TET1: variants seen among roughly 807,000 people sequenced by gnomAD.
TET1 encodes the protein methylcytosine dioxygenase TET1.
TET1 carries 13 observed loss-of-function variants against 148.7 expected under a neutral mutation model. That is an observed-to-expected ratio of 0.09 (90% confidence interval 0.06 to 0.14). The LOEUF (loss-of-function observed/expected upper bound fraction) is 0.14. Ranked by LOEUF, TET1 falls within the 10% of genes least tolerant of loss-of-function variation. The probability of loss-of-function intolerance (pLI) is 1.00; values close to 1 mark genes in which losing one functional copy is unlikely to be tolerated. For synonymous variants in TET1, 907 were observed against 937.2 expected, an observed-to-expected ratio of 0.97 and a Z score of 0.59; for missense variants, 2,182 against 2,553.8, an observed-to-expected ratio of 0.85 and a Z score of 3.14.
At chr10:68,562,142 TG>T (rs2053561738) in intron 1 of TET1, among the ~76,000 whole-genome samples, 1 of 152,186 alleles carries the variant, frequency 6.6e-6, no homozygotes, top group Non-Finnish European at 1.5e-5. Context: ...CGCGCGCCAC[TG>T]GAAGAGCGGC....
At position 68,571,062 on chromosome 10, in the gene TET1, C is replaced by G. The variant is rs557753493; in HGVS notation, c.-122-1155C>G. ...CTGGAGTGCAATGGTGCAATCTCGG[C>G]TCACTGCAACCTCCGTCTCCTGGGT... On this transcript the variant is annotated intron_variant, in intron 1 of 11. Coordinates refer to ENST00000373644, the MANE Select transcript of TET1 (RefSeq NM_030625.3). 2.6e-5 allele frequency among the ~76,000 whole-genome samples: 4 copies of G among 151,710 alleles called. No individual in the cohort carries two copies. In the South Asian group the frequency reaches 8.3e-4, roughly 32 times the overall value.
intron 3 of TET1, among the ~76,000 whole-genome samples, chr10:68,633,500 G>C (rs2054607605): frequency 6.6e-6 from 1 of 151,994 alleles, no homozygotes; most frequent in Non-Finnish European, 1.5e-5. Context: ...TTCCACTTTA[G>C]CCTCCTGAGT....
intron 1 of TET1, among the ~76,000 whole-genome samples, chr10:68,562,988 CT>C (rs1488677866): frequency 6.6e-6 from 1 of 151,850 alleles, no homozygotes; most frequent in Non-Finnish European, 1.5e-5. Context: ...TCTTCCCCTT[CT>C]TTCGTTTTTG....
At chr10:68,626,127 A>AAAAGAAAAG (rs10660283) in intron 3 of TET1, among the ~76,000 whole-genome samples, 43,829 of 119,542 alleles carry the variant, frequency 0.37, 9,872 homozygotes, top group Non-Finnish European at 0.42. Context: ...AAAAGAAAAG[A>AAAAGAAAAG]AAATACTTAA....
intron 2 of TET1, among the ~76,000 whole-genome samples, chr10:68,587,840 C>T (rs2053876907): frequency 1.3e-5 from 2 of 152,142 alleles, no homozygotes; most frequent in Non-Finnish European, 1.5e-5. Flanking sequence ...TTCGGATTCT[C>T]ATTATGCAGA....
chr10:68,593,170 C>T (rs1196598467), intron 2 of TET1, among the ~76,000 whole-genome samples: 2 of 139,144 alleles, frequency 1.4e-5, no homozygotes, highest in East Asian at 2.2e-4. Flanking sequence ...AGTTGAAGGT[C>T]GCAGTGAGCT....
intron 7 of TET1, among the ~76,000 whole-genome samples, chr10:68,672,222 G>T (rs1281793567): frequency 6.6e-6 from 1 of 151,732 alleles, no homozygotes; most frequent in African/African-American, 2.4e-5. Context: ...TTCTGTCCAG[G>T]CTCAGTGCCT....
intron 2 of TET1, among the ~76,000 whole-genome samples, chr10:68,589,462 A>G (rs75631483): frequency 0.041 from 6,243 of 151,966 alleles, 429 homozygotes; most frequent in African/African-American, 0.14. Flanking sequence ...GTGTATATAT[A>G]TACTTTAAAA....
chr10:68,673,341 CA>C, intron 8 of TET1: 1 of 279,156 alleles, frequency 3.6e-6, no homozygotes, highest in South Asian at 3.7e-5. Flanking sequence ...TATACTCAGC[CA>C]AAATAGGAAA....
intron 1 of TET1, among the ~76,000 whole-genome samples, chr10:68,564,297 C>T (rs116361864): frequency 0.015 from 2,241 of 151,432 alleles, 66 homozygotes; most frequent in African/African-American, 0.051. Context: ...TACGGGCATG[C>T]GCTACCATGC....
intron 2 of TET1, among the ~76,000 whole-genome samples, chr10:68,595,943 T>TAC (rs2053975951): frequency 2.6e-5 from 1 of 39,054 alleles, no homozygotes; most frequent in African/African-American, 8.5e-5. Context: ...TATATATATA[T>TAC]ATATATATAT....
At chr10:68,685,300 G>T (rs891961974) in intron 10 of TET1, among the ~76,000 whole-genome samples, 7 of 152,054 alleles carry the variant, frequency 4.6e-5, no homozygotes, top group Non-Finnish European at 1.0e-4. Flanking sequence ...TATCTATCAA[G>T]TTCTACCATG....
chr10:68,575,029 G>A (rs1240420059), intron 2 of TET1, among the ~76,000 whole-genome samples: 4 of 152,136 alleles, frequency 2.6e-5, no homozygotes, highest in African/African-American at 4.8e-5. Flanking sequence ...TTTAGATCAC[G>A]CATTAAAGTT....
At chr10:68,599,604 T>A (rs578119488) in intron 2 of TET1, among the ~76,000 whole-genome samples, 7 of 152,204 alleles carry the variant, frequency 4.6e-5, no homozygotes, top group African/African-American at 1.7e-4. Flanking sequence ...GAGATGGTGG[T>A]TTGTTCTACC....
At chr10:68,608,022 G>A (rs990488632) in intron 3 of TET1, among the ~76,000 whole-genome samples, 2 of 150,502 alleles carry the variant, frequency 1.3e-5, no homozygotes, top group South Asian at 2.1e-4. Context: ...TCCATCTCCC[G>A]GGTTCAAGCA....
rs184743285 is a variant in TET1, at chr10:68,603,224, T to G, written c.1968+2190T>G. Among the ~76,000 whole-genome samples the G allele has an allele frequency of 3.9e-3, 591 of 152,360 alleles. 2 individuals are homozygous for G. Among genetic ancestry groups the G allele is most frequent in the African/African-American group, 0.014 (573 of 41,586 alleles). Reference sequence around the variant, plus strand: ...AAATTTAGTCTGCTTCCTTTGACTTTATCCTTTTAGATGTTGAAATCTCCT... The same window carrying G: ...AAATTTAGTCTGCTTCCTTTGACTTGATCCTTTTAGATGTTGAAATCTCCT... On this transcript the variant is annotated intron_variant, in intron 3 of 11. Transcript: ENST00000373644.
chr10:68,622,508 T>G (rs2054392074), intron 3 of TET1, among the ~76,000 whole-genome samples: 1 of 151,976 alleles, frequency 6.6e-6, no homozygotes, highest in Non-Finnish European at 1.5e-5. Flanking sequence ...TCAGGTGATC[T>G]GCCTGCCTCG....
intron 2 of TET1, among the ~76,000 whole-genome samples, chr10:68,585,279 C>T (rs1233168331): frequency 2.0e-5 from 3 of 152,102 alleles, no homozygotes; most frequent in Admixed American, 1.3e-4. Flanking sequence ...GCTGGGATTA[C>T]AGGCGTGAGG....
chr10:68,594,168 C>T (rs1316290032), intron 2 of TET1, among the ~76,000 whole-genome samples: 1 of 152,026 alleles, frequency 6.6e-6, no homozygotes, highest in Non-Finnish European at 1.5e-5. Flanking sequence ...TCAAGTGATC[C>T]TCCCGCCTTG....
Sources: allele counts gnomAD v4.1 joint callset (sites outside exome capture counted in the v4.1 genomes callset), GRCh38; gene constraint gnomAD v4.1.1; transcripts MANE v1.5; gene names NCBI Gene and HGNC (gene_info 2026-07-23, HGNC 2026-07-21).